The following SEZ6L variants were observed in gnomAD, a reference collection of about 807,000 sequenced individuals.
The protein encoded by SEZ6L is seizure related 6 homolog like.
Under a neutral mutation model 106.2 loss-of-function variants are expected in SEZ6L, and 37 were observed. The ratio of observed to expected loss-of-function variants is 0.35; its 90% CI spans 0.27 to 0.46. The LOEUF (loss-of-function observed/expected upper bound fraction) is 0.46, where lower values mean the gene tolerates loss of function less well. Ranked by LOEUF, SEZ6L falls within the 20% of genes least tolerant of loss-of-function variation. The pLI, the probability that SEZ6L is intolerant of heterozygous loss-of-function variation, is 1.00. For missense variants in SEZ6L, 1,172 were observed against 1,332.8 expected (o/e 0.88, Z 1.88); for synonymous variants, 541 against 570.4 (o/e 0.95, Z 0.73).
intron 13 of SEZ6L, among the ~76,000 whole-genome samples, chr22:26,369,272 G>A (rs181549052): frequency 1.5e-4 from 22 of 151,184 alleles, no homozygotes; most frequent in Admixed American, 1.3e-3. Flanking sequence ...CATGAGGGTT[G>A]CAATTTAATC....
intron 1 of SEZ6L, among the ~76,000 whole-genome samples, chr22:26,289,166 C>T (rs779298048): frequency 5.9e-5 from 9 of 152,182 alleles, no homozygotes; most frequent in Non-Finnish European, 1.0e-4. Flanking sequence ...TGGGACACCA[C>T]CCAGATCCCT....
intron 13 of SEZ6L, 33 bp from the exon 14 acceptor site, chr22:26,373,418 A>G (rs1304154913): frequency 1.9e-6 from 3 of 1,593,472 alleles, no homozygotes; most frequent in African/African-American, 2.7e-5. Context: ...AATTCACTTT[A>G]CATTGACCAA....
At chr22:26,261,756 A>C (rs1191247122) in intron 1 of SEZ6L, among the ~76,000 whole-genome samples, 2 of 152,218 alleles carry the variant, frequency 1.3e-5, no homozygotes, top group African/African-American at 2.4e-5. Flanking sequence ...CTCCTTTGAA[A>C]GAATAGAGTT....
Position 26,310,633 on chromosome 22 carries a change from ATCTGTCAGTGTCCCTCCTC to A in SEZ6L, c.1515-32_1515-14del. The A allele has an allele frequency of 1.2e-6, 2 of 1,610,202 alleles. No individual in the cohort carries two copies. The highest frequency in any genetic ancestry group is 1.7e-6 in the Non-Finnish European group (2 of 1,177,192). Reference sequence around the variant, plus strand: ...TCTGCCATGTCAGTGACCCAGGAAGATCTGTCAGTGTCCCTCCTCTCTGCTCCCACTGCCAGGATGACGG... The same window carrying A: ...TCTGCCATGTCAGTGACCCAGGAAGATCTGCTCCCACTGCCAGGATGACGG... On this transcript the variant is annotated intron_variant, in intron 6 of 16. Coordinates refer to ENST00000248933, the MANE Select transcript of SEZ6L (RefSeq NM_021115.5).
At chr22:26,298,873 C>A in intron 4 of SEZ6L, 111 bp from the exon 5 acceptor site, 2 of 992,832 alleles carry the variant, frequency 2.0e-6, no homozygotes, top group East Asian at 2.9e-5. Context: ...TCTGGAGTCC[C>A]CAGGGGCCTC....
At chr22:26,353,227 C>T (rs2083333856) in intron 12 of SEZ6L, among the ~76,000 whole-genome samples, 1 of 152,184 alleles carries the variant, frequency 6.6e-6, no homozygotes, top group South Asian at 2.1e-4. Flanking sequence ...TAAAATGCAA[C>T]TGCCCCCATT....
At chr22:26,195,201 T>C (rs1276607065) in intron 1 of SEZ6L, among the ~76,000 whole-genome samples, 5 of 152,240 alleles carry the variant, frequency 3.3e-5, no homozygotes, top group Non-Finnish European at 2.9e-5. Flanking sequence ...ACTCTCAAGC[T>C]ATCTTTGATA....
chr22:26,372,575 G>A (rs1450089840), intron 13 of SEZ6L, among the ~76,000 whole-genome samples: 2 of 152,114 alleles, frequency 1.3e-5, no homozygotes, highest in Non-Finnish European at 1.5e-5. Context: ...GTATAGCTAA[G>A]CCTTTGGTGG....
intron 1 of SEZ6L, among the ~76,000 whole-genome samples, chr22:26,227,893 G>T (rs895829916): frequency 7.9e-5 from 12 of 152,316 alleles, no homozygotes; most frequent in African/African-American, 2.9e-4. Context: ...TTGCACACAT[G>T]CATGGAGAAC....
chr22:26,347,215 A>ATGATGATGG (rs1285965864), intron 10 of SEZ6L, among the ~76,000 whole-genome samples: 1 of 151,866 alleles, frequency 6.6e-6, no homozygotes, highest in Non-Finnish European at 1.5e-5. Context: ...GATGATGATG[A>ATGATGATGG]TGATGATGAT....
chr22:26,235,828 G>A (rs1004886056), intron 1 of SEZ6L, among the ~76,000 whole-genome samples: 1 of 152,174 alleles, frequency 6.6e-6, no homozygotes, highest in Non-Finnish European at 1.5e-5. Context: ...TGCTTCATCC[G>A]GAGGGCCATG....
intron 1 of SEZ6L, among the ~76,000 whole-genome samples, chr22:26,208,886 G>A (rs1941451255): frequency 6.7e-6 from 1 of 149,514 alleles, no homozygotes; most frequent in Admixed American, 6.6e-5. Context: ...GTGTGTGTGT[G>A]TGTGTGTGTG....
At chr22:26,290,933 C>T (rs1177764692) in intron 1 of SEZ6L, among the ~76,000 whole-genome samples, 2 of 152,200 alleles carry the variant, frequency 1.3e-5, no homozygotes, top group African/African-American at 4.8e-5. Flanking sequence ...CTCTTACATT[C>T]CTTCAGTTTA....
chr22:26,313,595 C>G (rs997432685), intron 8 of SEZ6L, among the ~76,000 whole-genome samples, 169 bp from the exon 9 acceptor site: 2 of 72,586 alleles, frequency 2.8e-5, no homozygotes, highest in Admixed American at 1.3e-4. Flanking sequence ...CACACACACA[C>G]ACACACACGC....
At chr22:26,264,042 C>T (rs1258955216) in intron 1 of SEZ6L, among the ~76,000 whole-genome samples, 1 of 152,216 alleles carries the variant, frequency 6.6e-6, no homozygotes, top group Non-Finnish European at 1.5e-5. Context: ...TTGCTTTTGA[C>T]AGAGCATCTA....
At chr22:26,376,615 G>T (rs2084233783) in intron 15 of SEZ6L, among the ~76,000 whole-genome samples, 1 of 152,154 alleles carries the variant, frequency 6.6e-6, no homozygotes, top group Admixed American at 6.5e-5. Flanking sequence ...TGGGCATGGT[G>T]GTGGGTGCCT....
chr22:26,333,613 C>T (rs17305608), intron 9 of SEZ6L, among the ~76,000 whole-genome samples: 6,186 of 151,668 alleles, frequency 0.041, 161 homozygotes, highest in Admixed American at 0.061. Context: ...CTGATTCACC[C>T]GAGACACACA....
At chr22:26,370,823 G>C (rs892360547) in intron 13 of SEZ6L, among the ~76,000 whole-genome samples, 5 of 152,022 alleles carry the variant, frequency 3.3e-5, no homozygotes, top group African/African-American at 1.2e-4. Flanking sequence ...AGGCAAAATA[G>C]TGGGACCTCA....
chr22:26,324,841 C>T (rs928957467), intron 9 of SEZ6L, among the ~76,000 whole-genome samples: 7 of 152,194 alleles, frequency 4.6e-5, no homozygotes, highest in Admixed American at 3.9e-4. Flanking sequence ...CTCTATCAGT[C>T]AGCTATTGCT....
Sources: gnomAD v4.1 joint callset for allele counts (sites outside exome capture counted in the v4.1 genomes callset) on GRCh38, gnomAD v4.1.1 for gene constraint, MANE v1.5 for transcripts, NCBI Gene and HGNC (gene_info 2026-07-23, HGNC 2026-07-21) for gene names.